The following CALN1 variants were observed in gnomAD, a reference collection of about 807,000 sequenced individuals.
CALN1 encodes the protein calneuron 1.
Under a neutral mutation model 30.6 loss-of-function variants are expected in CALN1, and 17 were observed. The observed-to-expected ratio is 0.56, with a 90% CI of 0.38 to 0.83. The LOEUF is 0.83. CALN1 is among the 40% of genes least tolerant of loss of function. CALN1 has a pLI of 0.00. For missense variants in CALN1, 291 were observed against 354.9 expected, an observed-to-expected ratio of 0.82 and a Z score of 1.45; for synonymous variants, 156 against 131.4, an observed-to-expected ratio of 1.19 and a Z score of -1.28.
At chr7:72,141,227 G>C (rs1008343194) in intron 3 of CALN1, among the ~76,000 whole-genome samples, 3 of 152,104 alleles carry the variant, frequency 2.0e-5, no homozygotes, top group Non-Finnish European at 4.4e-5. Context: ...GAGCCCAGGA[G>C]GTTGCAGTGA....
At chr7:72,409,600 G>C (rs564291153) in intron 1 of CALN1, among the ~76,000 whole-genome samples, 15 of 151,954 alleles carry the variant, frequency 9.9e-5, no homozygotes, top group African/African-American at 3.4e-4. Flanking sequence ...TCATGGATTT[G>C]ATCCCTTTCA....
At chr7:71,855,686 T>C (rs1790906620) in intron 5 of CALN1, among the ~76,000 whole-genome samples, 1 of 152,182 alleles carries the variant, frequency 6.6e-6, no homozygotes, top group Non-Finnish European at 1.5e-5. Flanking sequence ...GGTCTTGCTG[T>C]AGCTTTGGTG....
chr7:71,915,274 A>G (rs1794629687), intron 5 of CALN1, among the ~76,000 whole-genome samples: 2 of 152,330 alleles, frequency 1.3e-5, no homozygotes, highest in African/African-American at 2.4e-5. Flanking sequence ...AGAAATGAGA[A>G]AAGCAATGAG....
chr7:72,083,797 T>C (rs1458756514), intron 4 of CALN1, among the ~76,000 whole-genome samples: 1 of 152,048 alleles, frequency 6.6e-6, no homozygotes, highest in Non-Finnish European at 1.5e-5. Flanking sequence ...CATATGCCTG[T>C]AGTCCCAGCT....
At chr7:71,850,617 T>A (rs1260658522) in intron 5 of CALN1, among the ~76,000 whole-genome samples, 1 of 152,164 alleles carries the variant, frequency 6.6e-6, no homozygotes, top group East Asian at 1.9e-4. Flanking sequence ...ATATTTTTTG[T>A]AGGGGGGAGG....
At chr7:72,388,947 T>A (rs1805406411) in intron 2 of CALN1, among the ~76,000 whole-genome samples, 1 of 152,158 alleles carries the variant, frequency 6.6e-6, no homozygotes, top group African/African-American at 2.4e-5. Flanking sequence ...TGGCTGCAGA[T>A]CGCTGGGTCT....
intron 2 of CALN1, among the ~76,000 whole-genome samples, chr7:72,339,026 A>G (rs1802263059): frequency 6.7e-6 from 1 of 148,454 alleles, no homozygotes; most frequent in Non-Finnish European, 1.5e-5. Flanking sequence ...CATGAGTTCA[A>G]TTGTTTTGAT....
chr7:72,369,821 C>T (rs1010864003), intron 2 of CALN1, among the ~76,000 whole-genome samples: 2 of 152,136 alleles, frequency 1.3e-5, no homozygotes, highest in Non-Finnish European at 2.9e-5. Flanking sequence ...TTTTCTGAGT[C>T]GTATTCCATT....
intron 2 of CALN1, among the ~76,000 whole-genome samples, chr7:72,315,325 C>T (rs1800362748): frequency 6.6e-6 from 1 of 152,030 alleles, no homozygotes; most frequent in Non-Finnish European, 1.5e-5. Flanking sequence ...AGACATAAAA[C>T]ATCAATGTGC....
In CALN1 at chr7:72,371,777, T is replaced by TGCC. The variant is rs147852716; in HGVS notation, c.119+31471_119+31473dup. Among the ~76,000 whole-genome samples the TGCC allele has an allele frequency of 6.2e-3, 950 of 152,352 alleles. 10 individuals are homozygous for TGCC. The highest frequency in any genetic ancestry group is 0.02 in the African/African-American group (849 of 41,574). On this transcript the variant is annotated intron_variant, in intron 2 of 6. Transcript: ENST00000395275. ...TAAAACTATGCTTTCTCCACTGAAT[T>TGCC]GCCTTTGCATCTTAGTCCAGGAATC...
rs992126155 is a variant in CALN1, at chr7:71,785,220, T to G, written c.*2555A>C. 2 of 199,714 alleles carry G rather than the reference T, an allele frequency of 1.0e-5. No individual in the cohort carries two copies. The highest frequency in any genetic ancestry group is 2.0e-5 in the Non-Finnish European group (2 of 99,640). 12.4% of individuals were successfully genotyped at this position (199,714 alleles called of 1,614,324 possible). A position where few individuals can be genotyped will look rare whatever the true frequency, so the allele number is the denominator to read the frequency against. ...TGCAGAGGAATGCATTCTCCTAGAT[T>G]TTCCCCTGGGGAGGGTGGGCTTGCT... On this transcript the variant is annotated 3_prime_UTR_variant, in exon 7 of 7. Coordinates refer to ENST00000395275, the MANE Select transcript of CALN1 (RefSeq NM_031468.4).
intron 3 of CALN1, among the ~76,000 whole-genome samples, chr7:72,270,753 C>T (rs1485080027): frequency 6.6e-6 from 1 of 152,110 alleles, no homozygotes; most frequent in Non-Finnish European, 1.5e-5. Flanking sequence ...CCAGCCTGGG[C>T]AACAGAGCAA....
intron 1 of CALN1, among the ~76,000 whole-genome samples, chr7:72,444,848 T>C (rs1808472766): frequency 6.6e-6 from 1 of 152,092 alleles, no homozygotes; most frequent in South Asian, 2.1e-4. Context: ...CCAGGCTAGG[T>C]GCTCTTGTGT....
At chr7:71,965,947 T>C (rs1181298616) in intron 5 of CALN1, among the ~76,000 whole-genome samples, 1 of 152,182 alleles carries the variant, frequency 6.6e-6, no homozygotes, top group Non-Finnish European at 1.5e-5. Context: ...TGTTGAAATA[T>C]GGAGTTTTGC....
chr7:72,394,411 G>A (rs1311355547), intron 2 of CALN1, among the ~76,000 whole-genome samples: 2 of 152,192 alleles, frequency 1.3e-5, no homozygotes, highest in Non-Finnish European at 2.9e-5. Flanking sequence ...AAGGATAAAT[G>A]TTGCTCATAC....
At chr7:72,083,065 G>A (rs1027960956) in intron 4 of CALN1, among the ~76,000 whole-genome samples, 9 of 152,252 alleles carry the variant, frequency 5.9e-5, no homozygotes, top group African/African-American at 1.9e-4. Flanking sequence ...GCCAGGTGTG[G>A]TGGCGGGCGC....
At chr7:72,411,494 ATT>A (rs1391343156) in intron 1 of CALN1, among the ~76,000 whole-genome samples, 1 of 146,378 alleles carries the variant, frequency 6.8e-6, no homozygotes, top group Non-Finnish European at 1.6e-5. Flanking sequence ...TGTGAACTCA[ATT>A]TATTTTTGTC....
intron 3 of CALN1, among the ~76,000 whole-genome samples, chr7:72,142,022 CCA>C (rs1388579948): frequency 6.6e-6 from 1 of 152,172 alleles, no homozygotes; most frequent in African/African-American, 2.4e-5. Flanking sequence ...AGGAACAGCT[CCA>C]GTCTACAGCT....
intron 2 of CALN1, among the ~76,000 whole-genome samples, chr7:72,338,218 C>A (rs1394545041): frequency 6.6e-6 from 1 of 152,112 alleles, no homozygotes; most frequent in Non-Finnish European, 1.5e-5. Flanking sequence ...CAGGCTAGTC[C>A]TTCCTTACAG....
Sources: allele counts gnomAD v4.1 joint callset (sites outside exome capture counted in the v4.1 genomes callset), GRCh38; gene constraint gnomAD v4.1.1; transcripts MANE v1.5; gene names NCBI Gene and HGNC (gene_info 2026-07-23, HGNC 2026-07-21).